NBPF26: variants seen among roughly 807,000 people sequenced by gnomAD.
The protein encoded by NBPF26 is NBPF family member NBPF26.
NBPF26 carries 79 observed loss-of-function variants against 119.6 expected under a neutral mutation model. That is an observed-to-expected ratio of 0.66 (90% CI 0.55 to 0.80). The LOEUF is 0.80. Among genes scored for constraint, NBPF26 ranks in the 30% least tolerant of loss-of-function variants. NBPF26 has a pLI of 0.00. For missense variants in NBPF26, 800 were observed against 1,198.2 expected (o/e 0.67, Z 4.91); for synonymous variants, 299 against 457.7 (o/e 0.65, Z 4.43).
chr1:120,788,355 G>T (rs1360555530), intron 3 of NBPF26, among the ~76,000 whole-genome samples: 1 of 83,914 alleles, frequency 1.2e-5, no homozygotes, highest in East Asian at 2.6e-4. Context: ...TAATGGAATT[G>T]TTGTTGTGTC....
At chr1:120,833,227 T>C (rs1226419933) in intron 23 of NBPF26, among the ~76,000 whole-genome samples, 6,070 of 104,046 alleles carry the variant, frequency 0.058, no homozygotes, top group East Asian at 0.25. Flanking sequence ...CTGCATCGAA[T>C]TTTGAGCATA....
intron 10 of NBPF26, among the ~76,000 whole-genome samples, chr1:120,812,989 G>T (rs1412242475): frequency 8.4e-6 from 1 of 119,006 alleles, no homozygotes; most frequent in East Asian, 2.1e-4. Flanking sequence ...GCAGAGAGTA[G>T]CTTGGTGAGA....
At chr1:120,794,457 G>C (rs1185277917) in intron 4 of NBPF26, among the ~76,000 whole-genome samples, 1 of 115,650 alleles carries the variant, frequency 8.6e-6, no homozygotes, top group Non-Finnish European at 1.6e-5. Context: ...GAAAACTGTA[G>C]GAGGGAGTAA....
exon 16 of NBPF26, chr1:120,822,227 A>T: frequency 8.6e-7 from 1 of 1,164,024 alleles, no homozygotes; most frequent in East Asian, 2.5e-5. Context: ...CATTTCACTC[A>T]TTAGAGGAAC....
chr1:120,840,275 A>G, intron 29 of NBPF26, 75 bp from the exon 36 acceptor site: 2 of 1,440,870 alleles, frequency 1.4e-6, no homozygotes, highest in East Asian at 2.3e-5. Flanking sequence ...TCCTTATGTT[A>G]CTTCTGAAAT....
rs1312700138 is a variant in NBPF26 at position 120,724,243 on chromosome 1, C to T, written c.66C>T (p.Pro22=). 3 of 1,401,792 alleles carry T rather than the reference C, an allele frequency of 2.1e-6. 1 individual carries two copies. Among genetic ancestry groups the T allele is most frequent in the Admixed American group, 4.2e-5 (2 of 47,858 alleles). 86.8% of individuals were successfully genotyped at this position (1,401,792 alleles called of 1,614,324 possible). A position where few individuals can be genotyped will look rare whatever the true frequency, so the allele number is the denominator to read the frequency against. ...CGCTCTGGCTGTGCTGGGCGGCCCC[C>T]GCGCATGGTGAGTATCGGGCTGAGG... The change falls in exon 1 of 30, where the codon CCC becomes CCT. Residue 22 remains proline (P), a synonymous_variant. Coordinates refer to ENST00000620612, the Ensembl canonical transcript of NBPF26.
At chr1:120,809,548 G>T (rs1428943060) in intron 7 of NBPF26, among the ~76,000 whole-genome samples, 1 of 151,936 alleles carries the variant, frequency 6.6e-6, no homozygotes, top group African/African-American at 2.4e-5. Flanking sequence ...TCCAGAGAGA[G>T]GCTGCACAAG....
Position 120,728,613 on chromosome 1 carries a change from T to C in NBPF26, c.73+4363T>C, listed in dbSNP as rs1262582729. On this transcript the variant is annotated intron_variant, in intron 1 of 29. Coordinates refer to ENST00000620612, the Ensembl canonical transcript of NBPF26. Reference sequence around the variant, plus strand: ...GTATTACTAGGCCAGCAATTTCTGTTATTTTGTCCAGAATAGCCACACCTT... The same window carrying C: ...GTATTACTAGGCCAGCAATTTCTGTCATTTTGTCCAGAATAGCCACACCTT... Among the ~76,000 whole-genome samples, 5 of 117,822 alleles carry C rather than the reference T, an allele frequency of 4.2e-5. 1 individual carries two copies. The East Asian group carries it at 1.0e-3, about 25-fold the overall frequency. The allele number at this position is 117,822 out of a possible 152,430, so 77.3% of individuals were successfully genotyped here.
At chr1:120,728,880 A>G (rs1331488340) in intron 1 of NBPF26, among the ~76,000 whole-genome samples, 1 of 109,436 alleles carries the variant, frequency 9.1e-6, no homozygotes, top group East Asian at 2.2e-4. Flanking sequence ...GTGAAATATG[A>G]TGAATAAATA....
rs2101490513 is a variant in NBPF26, at chr1:120,805,867, T to C, written c.961+102T>C. ...CCATCAAAAAGAATTTCATCCTTCCTGTACTTCTAGGAAAACAGAAATGGG... is the reference window on the plus strand; with the variant it reads ...CCATCAAAAAGAATTTCATCCTTCCCGTACTTCTAGGAAAACAGAAATGGG... On this transcript the variant is annotated intron_variant, in intron 5 of 29. Transcript: ENST00000620612. 1.0e-5 allele frequency: 10 copies of C among 980,582 alleles called. 1 individual carries two copies. The highest frequency in any genetic ancestry group is 2.5e-5 in the East Asian group (1 of 40,806). 60.7% of individuals were successfully genotyped at this position (980,582 alleles called of 1,614,324 possible).
In NBPF26 at chr1:120,729,801, A is replaced by G. The variant is rs1405916947; in HGVS notation, c.73+5551A>G. Among the ~76,000 whole-genome samples the G allele has an allele frequency of 9.6e-5, 11 of 115,180 alleles. 2 individuals carry two copies. The highest frequency in any genetic ancestry group is 5.7e-4 in the African/African-American group (11 of 19,418). The allele number at this position is 115,180 out of a possible 152,430, so 75.6% of individuals were successfully genotyped here. A position where few individuals can be genotyped will look rare whatever the true frequency, so the allele number is the denominator to read the frequency against. ...TGTCATCTGGGAATTTGTGTGTTCA[A>G]GAAATAGCCAGGTGATTCTTACATT... On this transcript the variant is annotated intron_variant, in intron 1 of 29. Transcript: ENST00000620612.
In NBPF26 at chr1:120,815,109, CTTTCACAATGACAG is replaced by C. The variant is rs1651977799; in HGVS notation, c.2092+69_2092+82del. On this transcript the variant is annotated intron_variant, in intron 12 of 29. Transcript: ENST00000620612. ...TTATGAGAGACTCCAGACCTCCATA[CTTTCACAATGACAG>C]TTGTATCAGTGGTGTTTTTTTCCAC... 2 of 1,306,546 alleles carry C rather than the reference CTTTCACAATGACAG, an allele frequency of 1.5e-6. 1 individual carries two copies. The highest frequency in any genetic ancestry group is 2.1e-6 in the Non-Finnish European group (2 of 949,734). The allele number at this position is 1,306,546 out of a possible 1,614,324, so 80.9% of individuals were successfully genotyped here.
chr1:120,777,875 G>A lies in NBPF26; in HGVS notation c.156-7099G>A, dbSNP rs1467753508. Among the ~76,000 whole-genome samples, 20 of 107,832 alleles carry A rather than the reference G, an allele frequency of 1.9e-4. 2 individuals are homozygous for A. The East Asian group carries it at 4.8e-3, about 26-fold the overall frequency. The allele number at this position is 107,832 out of a possible 152,430, so 70.7% of individuals were successfully genotyped here. ...TGACAAGCCCATCAGACCTCAGCCA[G>A]GAGGTACTGAAAGGAGGGAGACCAG... is the stretch of plus-strand genomic sequence containing the variant. On this transcript the variant is annotated intron_variant, in intron 2 of 29. Coordinates refer to ENST00000620612, the Ensembl canonical transcript of NBPF26.
At chr1:120,805,134 G>A (rs1162724225) in intron 4 of NBPF26, among the ~76,000 whole-genome samples, 1 of 125,648 alleles carries the variant, frequency 8.0e-6, no homozygotes, top group Non-Finnish European at 1.6e-5. Context: ...GTCAACAAGG[G>A]TACACGAATA....
In NBPF26 at chr1:120,806,968, CACTA is replaced by C. The variant is rs1339423981; in HGVS notation, c.962-633_962-630del. Among the ~76,000 whole-genome samples the C allele has an allele frequency of 3.2e-4, 37 of 115,606 alleles. 9 individuals are homozygous for C. The highest frequency in any genetic ancestry group is 1.3e-3 in the African/African-American group (25 of 19,956). The allele number at this position is 115,606 out of a possible 152,430, so 75.8% of individuals were successfully genotyped here. On this transcript the variant is annotated intron_variant, in intron 5 of 29. Transcript: ENST00000620612. ...CTTCATTCTGATGTTTCTAAATTAA[CACTA>C]ACTAAGCTTATGCTGTTTCTAAATT...
exon 30 of NBPF26, chr1:120,840,527 G>C: frequency 6.8e-7 from 1 of 1,472,446 alleles, no homozygotes; most frequent in Non-Finnish European, 9.2e-7. Context: ...TGGACAATAG[G>C]TTTTTTACTT....
chr1:120,838,460 G>C (rs1305763804), intron 27 of NBPF26, among the ~76,000 whole-genome samples: 1 of 52,938 alleles, frequency 1.9e-5, no homozygotes. Flanking sequence ...TCCCTCATCA[G>C]TGTGTCACCT....
chr1:120,785,164 C>A, exon 3 of NBPF26: 1 of 1,446,400 alleles, frequency 6.9e-7, no homozygotes, highest in South Asian at 1.2e-5. Flanking sequence ...TCGACCTTGC[C>A]TGAATGGCGG....
intron 2 of NBPF26, among the ~76,000 whole-genome samples, chr1:120,765,815 T>A (rs1166748732): frequency 7.9e-6 from 1 of 126,728 alleles, no homozygotes; most frequent in East Asian, 2.0e-4. Flanking sequence ...AAAGAATGAG[T>A]TCATGTCCTT....
Sources: gnomAD v4.1 joint callset for allele counts (sites outside exome capture counted in the v4.1 genomes callset) on GRCh38, gnomAD v4.1.1 for gene constraint, MANE v1.5 for transcripts, NCBI Gene and HGNC (gene_info 2026-07-23, HGNC 2026-07-21) for gene names.